PLEC: variants seen among roughly 807,000 people sequenced by gnomAD.
PLEC encodes the protein hemidesmosomal protein 1.
A neutral mutation model predicts 392.8 loss-of-function variants in PLEC; 216 were observed. That is an observed-to-expected ratio of 0.55 (90% CI 0.49 to 0.62). The LOEUF (loss-of-function observed/expected upper bound fraction) is 0.62. Among genes scored for constraint, PLEC ranks in the 20% least tolerant of loss-of-function variants. The pLI is 0.00. For missense variants in PLEC, 6,863 were observed against 6,563.4 expected (o/e 1.05, Z -1.58); for synonymous variants, 3,621 against 2,980.6 (o/e 1.21, Z -7.00).
Position 143,923,694 on chromosome 8 carries a change from G to A in PLEC, c.6235C>T (p.Leu2079=), listed in dbSNP as rs1554693781. Residue 2079 remains leucine, a synonymous_variant, in exon 31 of 32, where the codon CTG becomes TTG. Coordinates refer to ENST00000345136, the MANE Select transcript of PLEC (RefSeq NM_201384.3). ...LQQEQSVLDQ[L]RGEAEAARRA... ...CGGGCCGCCTCCGCCTCGCCGCGCAGCTGGTCCAGCACGCTCTGCTCCTGC... is the reference window on the plus strand; with the variant it reads ...CGGGCCGCCTCCGCCTCGCCGCGCAACTGGTCCAGCACGCTCTGCTCCTGC... The A allele has an allele frequency of 6.5e-7, 1 of 1,545,924 alleles. No homozygotes were observed. The highest frequency in any genetic ancestry group is 8.7e-7 in the Non-Finnish European group (1 of 1,151,826).
intron 25 of PLEC, 120 bp downstream of exon 25, chr8:143,928,982 TG>T: frequency 1.1e-6 from 1 of 919,208 alleles, no homozygotes. Flanking sequence ...TCCCGCCTCC[TG>T]GCCAGATCTC....
At chr8:143,939,650 C>G, upstream of PLEC, 1 of 1,420,714 alleles carries the variant, frequency 7.0e-7, no homozygotes, top group Non-Finnish European at 9.2e-7. Context: ...GCCGGCCCGC[C>G]CCCGAGGCCC....
chr8:143,925,087 T>C lies in PLEC; in HGVS notation c.4842A>G (p.Ala1614=). 1 of 1,538,856 alleles carries C rather than the reference T, an allele frequency of 6.5e-7. No individual in the cohort carries two copies. Among genetic ancestry groups the C allele is most frequent in the Non-Finnish European group, 8.7e-7 (1 of 1,149,370 alleles). The change falls in exon 31 of 32, where the codon GCA becomes GCG. Residue 1614 remains alanine, a synonymous_variant. Transcript: ENST00000345136. The part of the protein sequence containing the change: ...AQLREEAERR[A]QQQAEAERAR... Reference sequence around the variant, plus strand: ...CCCGCTCGGCCTCGGCCTGCTGCTGTGCCCGCCGCTCAGCCTCCTCCCGCA... The same window carrying C: ...CCCGCTCGGCCTCGGCCTGCTGCTGCGCCCGCCGCTCAGCCTCCTCCCGCA...
rs371479882 is a variant in PLEC, at chr8:143,919,352, T to C, written c.10469A>G (p.Gln3490Arg). 1 of 1,613,884 alleles carries C rather than the reference T, an allele frequency of 6.2e-7. No homozygotes were observed. The highest frequency in any genetic ancestry group is 1.7e-4 in the Middle Eastern group (1 of 6,060). Residue 3490 changes from glutamine (Q) to arginine (R), a missense_variant, in exon 32 of 32, where the codon CAG becomes CGG. By Grantham distance (43) the Gln-to-Arg change is conservative. Transcript: ENST00000345136. ...SHRVPVDVAY[Q>R]RGYFSEEMNR... ...CATCTCCTCACTGAAGTAGCCGCGC[T>C]GGTAGGCCACGTCCACAGGCACGCG...
At chr8:143,936,257 C>T (rs2132139459) in intron 5 of PLEC, among the ~76,000 whole-genome samples, 1 of 152,312 alleles carries the variant, frequency 6.6e-6, no homozygotes, top group South Asian at 2.1e-4. Context: ...CCACGCAGCT[C>T]AGAACCCCCA....
chr8:143,930,084 C>T (rs1554712834), intron 21 of PLEC, 22 bp from the exon 22 acceptor site: 11 of 1,605,960 alleles, frequency 6.8e-6, no homozygotes, highest in South Asian at 4.4e-5. Flanking sequence ...GGGCTACAGT[C>T]AGCGTCACCA....
At position 143,922,670 on chromosome 8, in the gene PLEC, G is replaced by C. The variant is rs185064502; in HGVS notation, c.7259C>G (p.Thr2420Arg). The part of the protein sequence containing the change: ...AEEIGEKLHR[T>R]ELATQEKVTL... ...CACCTTCTCCTGGGTGGCGAGCTCC[G>C]TGCGGTGCAGCTTCTCACCGATCTC... Residue 2420 changes from threonine to arginine, a missense_variant, in exon 31 of 32, where the codon ACG becomes AGG. Transcript: ENST00000345136. 4 of 1,613,160 alleles carry C rather than the reference G, an allele frequency of 2.5e-6. No homozygotes were observed. In the East Asian group the frequency reaches 8.9e-5, roughly 36 times the overall value.
intron 1 of PLEC, among the ~76,000 whole-genome samples, chr8:143,960,548 C>T (rs1001845901): frequency 1.3e-5 from 2 of 151,546 alleles, no homozygotes; most frequent in African/African-American, 2.4e-5. Flanking sequence ...ACCCGGGAGG[C>T]GGAGGTTGCA....
intron 24 of PLEC, 53 bp downstream of exon 24, chr8:143,929,361 G>A (rs1327391021): frequency 4.5e-6 from 7 of 1,572,408 alleles, no homozygotes; most frequent in Non-Finnish European, 6.0e-6. Flanking sequence ...GAGGGAGGGT[G>A]GGAGGAGGGA....
At chr8:143,961,293 T>A (rs1176682339) in intron 1 of PLEC, among the ~76,000 whole-genome samples, 1 of 151,958 alleles carries the variant, frequency 6.6e-6, no homozygotes, top group Non-Finnish European at 1.5e-5. Context: ...TGGCGCGATC[T>A]CAGCTCACTG....
upstream of PLEC, among the ~76,000 whole-genome samples, chr8:143,941,007 T>C (rs1310939519): frequency 4.6e-5 from 7 of 152,268 alleles, no homozygotes; most frequent in South Asian, 1.4e-3. Context: ...CAAATCAAAA[T>C]CTGACCCCGC....
chr8:143,932,459 C>G lies in PLEC; in HGVS notation c.1918G>C (p.Val640Leu), dbSNP rs782465359. The change falls in exon 16 of 32, where the codon GTG (valine) becomes CTG (leucine). Residue 640 changes from valine (V) to leucine (L), a missense_variant. Transcript: ENST00000345136. ...TTGCGGTCGCTCCAGTCGAAGCCCA[C>G]CTCCTCCTCCTCCTTCTCATTCAGC... ...MWLNEKEEEE[V>L]GFDWSDRNTN... is the part of the protein sequence containing the mutation. 3.7e-6 allele frequency: 6 copies of G among 1,612,236 alleles called. No individual in the cohort carries two copies. The Admixed American group carries it at 1.0e-4, about 27-fold the overall frequency.
In PLEC at chr8:143,915,264, C is replaced by G. The variant is rs1364130404; in HGVS notation, c.*913G>C. ...CAGCCTGACACCTCCACCTGCCACC[C>G]GCCCGGGGTTAGTGGAACATGCAAA... On this transcript the variant is annotated 3_prime_UTR_variant, in exon 32 of 32. Coordinates refer to ENST00000345136, the MANE Select transcript of PLEC (RefSeq NM_201384.3). The G allele has an allele frequency of 6.6e-6, 1 of 152,618 alleles. No homozygotes were observed. Among genetic ancestry groups the G allele is most frequent in the Non-Finnish European group, 1.5e-5 (1 of 68,182 alleles). 9.5% of individuals were successfully genotyped at this position (152,618 alleles called of 1,614,324 possible). A position where few individuals can be genotyped will look rare whatever the true frequency, so the allele number is the denominator to read the frequency against.
upstream of PLEC, chr8:143,975,176 C>T (rs782070576): frequency 6.3e-7 from 1 of 1,598,774 alleles, no homozygotes. The surrounding 1 kb of genome is among the most constrained non-coding windows in gnomAD (Gnocchi z 9.9). Context: ...TGCGCAGTTA[C>T]CTGCGATGCG....
At chr8:143,943,811 C>A, upstream of PLEC, 2 of 1,612,354 alleles carry the variant, frequency 1.2e-6, no homozygotes, top group Non-Finnish European at 1.7e-6. Flanking sequence ...ACGTCCCCTG[C>A]GCCAGTGCCA....
In PLEC at chr8:143,925,800, C is replaced by G; in HGVS notation, c.4129G>C (p.Glu1377Gln). Residue 1377 changes from glutamate (E) to glutamine (Q), a missense_variant, in exon 31 of 32, where the codon GAG becomes CAG. By Grantham distance (29) the Glu-to-Gln change is conservative. Transcript: ENST00000345136. Reference sequence around the variant, plus strand: ...TGTGCCTTTGCCTGGGCGTGCGCCTCGGCCAGCTGCCGCTGCTTCTCCAGC... The same window carrying G: ...TGTGCCTTTGCCTGGGCGTGCGCCTGGGCCAGCTGCCGCTGCTTCTCCAGC... ...AALEKQRQLA[E>Q]AHAQAKAQAE... 6.4e-7 allele frequency: 1 copy of G among 1,572,056 alleles called. No homozygotes were observed. Among genetic ancestry groups the G allele is most frequent in the Non-Finnish European group, 8.6e-7 (1 of 1,166,640 alleles).
In PLEC at chr8:143,920,245, G is replaced by C; in HGVS notation, c.9576C>G (p.Tyr3192Ter). The change falls in exon 32 of 32, where the codon TAC (tyrosine) becomes TAG (stop). Residue 3192 changes from tyrosine (Y) to a stop codon, truncating the protein, a stop_gained. Coordinates refer to ENST00000345136, the MANE Select transcript of PLEC (RefSeq NM_201384.3). LOFTEE classifies it high-confidence loss of function. ...GCCGGCACCGCTGCTGGAGCTCGCC[G>C]TAGGTGGCCGGCTCCCCTGTGCTGG... ...SDPSTGEPAT[Y>*]GELQQRCRPD... 6.2e-7 allele frequency: 1 copy of C among 1,600,110 alleles called. No individual in the cohort carries two copies. Among genetic ancestry groups the C allele is most frequent in the Non-Finnish European group, 8.5e-7 (1 of 1,178,074 alleles).
In PLEC at chr8:143,917,770, G is replaced by A. The variant is rs1554673087; in HGVS notation, c.12051C>T (p.Pro4017=). 2 of 1,613,596 alleles carry A rather than the reference G, an allele frequency of 1.2e-6. No homozygotes were observed. Among genetic ancestry groups the A allele is most frequent in the South Asian group, 1.1e-5 (1 of 91,084 alleles). Residue 4017 remains proline (P), a synonymous_variant, in exon 32 of 32, where the codon CCC becomes CCT. Transcript: ENST00000345136. ...AGAGGGAGATGAGCTTCCCAGAGTA[G>A]GGGTCCTTGTACCCAGTGACGGCGC... ...AERAVTGYKD[P]YSGKLISLFQ...
At position 143,950,357 on chromosome 8, in the gene PLEC, T is replaced by C. The variant is rs372105976; in HGVS notation, c.350A>G (p.Gln117Arg). Residue 117 changes from glutamine to arginine, a missense_variant, in exon 1 of 32, where the codon CAG becomes CGG. Physicochemically the swap from Gln to Arg is conservative, Grantham distance 43 (BLOSUM62 1). Transcript: ENST00000322810. ...GGAGCCCAGGGGACCCTGCACAGCC[T>C]GCACGTGGGGGGTGCGGCGTGCGGG... 19 of 1,587,284 alleles carry C rather than the reference T, an allele frequency of 1.2e-5. No homozygotes were observed. The African/African-American group carries it at 2.4e-4, about 20-fold the overall frequency.
Sources: gnomAD v4.1 joint callset for allele counts (sites outside exome capture counted in the v4.1 genomes callset) on GRCh38, gnomAD v4.1.1 for gene constraint, Gnocchi (gnomAD v3.1) non-coding constraint, MANE v1.5 for transcripts, NCBI Gene and HGNC (gene_info 2026-07-23, HGNC 2026-07-21) for gene names.